RYR1: variants seen among roughly 807,000 people sequenced by gnomAD.
RYR1 encodes ryanodine receptor 1.
A neutral mutation model predicts 583.5 loss-of-function variants in RYR1; 342 were observed. The ratio of observed to expected loss-of-function variants is 0.59; its 90% CI spans 0.54 to 0.64. The LOEUF is 0.64. Among genes scored for constraint, RYR1 ranks in the 30% least tolerant of loss-of-function variants. RYR1 has a pLI of 0.00. For missense variants in RYR1, 6,032 were observed against 6,917.2 expected, an observed-to-expected ratio of 0.87 and a Z score of 4.54; for synonymous variants, 2,791 against 2,822.5, an observed-to-expected ratio of 0.99 and a Z score of 0.35.
chr19:38,501,233 C>T (rs897933142), intron 47 of RYR1, among the ~76,000 whole-genome samples: 4 of 152,232 alleles, frequency 2.6e-5, no homozygotes, highest in Non-Finnish European at 4.4e-5. Context: ...GGCGTGGTGA[C>T]TCGCGCCTGT....
At chr19:38,517,905 C>T (rs1002983497) in intron 66 of RYR1, among the ~76,000 whole-genome samples, 3 of 152,110 alleles carry the variant, frequency 2.0e-5, no homozygotes, top group African/African-American at 4.8e-5. Flanking sequence ...CAGCCATTTG[C>T]GACCAGCCTA....
chr19:38,449,532 TGAGAATAACTTTCAA>T (rs1966971158), intron 11 of RYR1, among the ~76,000 whole-genome samples: 1 of 152,074 alleles, frequency 6.6e-6, no homozygotes, highest in Non-Finnish European at 1.5e-5. Context: ...AATGACCAAC[TGAGAATAACTTTCAA>T]CAAACAATTA....
chr19:38,498,501 ATAGAG>A (rs1969949860), intron 42 of RYR1, among the ~76,000 whole-genome samples: 2 of 152,208 alleles, frequency 1.3e-5, no homozygotes, highest in African/African-American at 4.8e-5. Context: ...GGGCAACTCC[ATAGAG>A]TAAAGTGAAA....
chr19:38,464,624 C>G lies in RYR1; in HGVS notation c.2787-15C>G, dbSNP rs757936454. The stretch of plus-strand genomic sequence containing the variant: ...TGAGGGGCGTGACCTGTCGCCTCCA[C>G]TCCCCCACCCCCAGGACTCTGCTGG... On this transcript the variant is annotated splice_polypyrimidine_tract_variant and intron_variant, in intron 22 of 105. Coordinates refer to ENST00000359596, the MANE Select transcript of RYR1 (RefSeq NM_000540.3). 1 of 1,567,732 alleles carries G rather than the reference C, an allele frequency of 6.4e-7. No homozygotes were observed. Among genetic ancestry groups the G allele is most frequent in the Non-Finnish European group, 8.7e-7 (1 of 1,155,772 alleles).
chr19:38,496,754 G>A lies in RYR1; in HGVS notation c.6797-106G>A, dbSNP rs1167121369. On this transcript the variant is annotated intron_variant, in intron 41 of 105. Transcript: ENST00000359596. This position sits in a 1 kb window ranked among gnomAD's most constrained non-coding sequence, Gnocchi z 4.8. ...GCTTGGATGAGGGAAGTACAGACCA[G>A]AGGAGGCACCTGATCCAGGCTGGAA... 7 of 1,212,612 alleles carry A rather than the reference G, an allele frequency of 5.8e-6. No homozygotes were observed. The South Asian group carries it at 8.6e-5, about 15-fold the overall frequency. 75.1% of individuals were successfully genotyped at this position (1,212,612 alleles called of 1,614,324 possible). A position where few individuals can be genotyped will look rare whatever the true frequency, so the allele number is the denominator to read the frequency against.
At chr19:38,478,317 GT>G (rs1448633707) in intron 30 of RYR1, 117 bp from the exon 31 acceptor site, 1 of 1,115,086 alleles carries the variant, frequency 9.0e-7, no homozygotes, top group African/African-American at 1.5e-5. Flanking sequence ...TCTGCAGGCG[GT>G]GGGTGTTTGG....
chr19:38,561,445 G>T lies in RYR1; in HGVS notation c.12615G>T (p.Glu4205Asp). 6.2e-7 allele frequency: 1 copy of T among 1,608,030 alleles called. No individual in the cohort carries two copies. The change falls in exon 90 of 106, where the codon GAG (glutamate) becomes GAT (aspartate). Residue 4205 changes from glutamate (E) to aspartate (D), a missense_variant. By Grantham distance (45) the Glu-to-Asp change is conservative. Around this residue, in one of 11 missense-constraint regions of RYR1, gnomAD observed 753 missense variants for 759.6 expected, o/e 0.99. Coordinates refer to ENST00000359596, the MANE Select transcript of RYR1 (RefSeq NM_000540.3). The surrounding 1 kb of genome is among the most constrained non-coding windows in gnomAD (Gnocchi z 4.8). ...CAGAGACCAACCGCGCCCAGTGGGA[G>T]ATGCCCCAGGTCAGGGAACCCGCGC... ...EISETNRAQWEMPQVKESKRQ... is the reference protein window; with the variant it reads ...EISETNRAQWDMPQVKESKRQ...
Position 38,543,235 on chromosome 19 carries a change from G to A in RYR1, c.11690-112G>A. On this transcript the variant is annotated intron_variant, in intron 84 of 105. Coordinates refer to ENST00000359596, the MANE Select transcript of RYR1 (RefSeq NM_000540.3). This position sits in a 1 kb window ranked among gnomAD's most constrained non-coding sequence, Gnocchi z 4.4. ...ATAAATTGATGATGATATGCTTTCT[G>A]GCATACAATAGGAACTCAACACATG... The A allele has an allele frequency of 1.1e-6, 1 of 884,180 alleles. No homozygotes were observed. The highest frequency in any genetic ancestry group is 1.7e-5 in the Admixed American group (1 of 57,572). The allele number at this position is 884,180 out of a possible 1,614,324, so 54.8% of individuals were successfully genotyped here. A position where few individuals can be genotyped will look rare whatever the true frequency, so the allele number is the denominator to read the frequency against.
chr19:38,515,130 T>A (rs1351585873), intron 64 of RYR1, 23 bp downstream of exon 64: 1 of 1,189,518 alleles, frequency 8.4e-7, no homozygotes, highest in African/African-American at 1.7e-5. Context: ...AGCCATCGTT[T>A]GGGGCTGGGT....
At position 38,529,090 on chromosome 19, in the gene RYR1, C is replaced by T. The variant is rs1427372982; in HGVS notation, c.11141+33C>T. 2.5e-6 allele frequency: 4 copies of T among 1,609,014 alleles called. No homozygotes were observed. The Middle Eastern group carries it at 5.9e-4, about 237-fold the overall frequency. On this transcript the variant is annotated intron_variant, in intron 76 of 105. Coordinates refer to ENST00000359596, the MANE Select transcript of RYR1 (RefSeq NM_000540.3). ...CTCTTGCCAGGGCCCCAGAAATGCC[C>T]CCAAGGTCCTGGGGCCACCCCCAGC...
chr19:38,512,219 CTGATGTTCCCCCG>C lies in RYR1; in HGVS notation c.9234-25_9234-13del. 1 of 1,614,084 alleles carries C rather than the reference CTGATGTTCCCCCG, an allele frequency of 6.2e-7. No homozygotes were observed. The highest frequency in any genetic ancestry group is 8.5e-7 in the Non-Finnish European group (1 of 1,179,892). ...TCTCCTAGACTCTCCGATTCCAGAG[CTGATGTTCCCCCG>C]CTGCCCTTCTAGGACAGTGATGAAG... On this transcript the variant is annotated splice_polypyrimidine_tract_variant and intron_variant, in intron 62 of 105. Coordinates refer to ENST00000359596, the MANE Select transcript of RYR1 (RefSeq NM_000540.3). The surrounding 1 kb of genome is among the most constrained non-coding windows in gnomAD (Gnocchi z 5.1).
intron 9 of RYR1, among the ~76,000 whole-genome samples, chr19:38,447,459 T>C (rs1159420727): frequency 6.6e-6 from 1 of 152,114 alleles, no homozygotes; most frequent in African/African-American, 2.4e-5. Flanking sequence ...GAGAATCCCT[T>C]GAACCCAGGA....
chr19:38,583,887 C>T (rs1974327399), intron 101 of RYR1, among the ~76,000 whole-genome samples: 1 of 152,098 alleles, frequency 6.6e-6, no homozygotes, highest in Non-Finnish European at 1.5e-5. Context: ...GCCACATGCC[C>T]AGGCCCTGCC....
chr19:38,519,813 G>A (rs1971143408), intron 67 of RYR1, among the ~76,000 whole-genome samples: 1 of 151,986 alleles, frequency 6.6e-6, no homozygotes, highest in Non-Finnish European at 1.5e-5. Context: ...CCAGTAGCTA[G>A]GATTACAGGT....
In RYR1 at chr19:38,573,169, C is replaced by T. The variant is rs1443694718; in HGVS notation, c.13999-8C>T. ...GACGCCCACCTTTGGCCTCCTCCCA[C>T]TATCCAGGTGCCCCTGGTAATCTTT... is the stretch of plus-strand genomic sequence containing the variant. On this transcript the variant is annotated splice_polypyrimidine_tract_variant and splice_region_variant and intron_variant, in intron 95 of 105. Transcript: ENST00000359596. The T allele has an allele frequency of 6.2e-7, 1 of 1,613,794 alleles. No individual in the cohort carries two copies. Among genetic ancestry groups the T allele is most frequent in the Non-Finnish European group, 8.5e-7 (1 of 1,179,782 alleles).
At chr19:38,475,711 C>T (rs1384363652) in intron 29 of RYR1, among the ~76,000 whole-genome samples, 1 of 152,224 alleles carries the variant, frequency 6.6e-6, no homozygotes, top group East Asian at 1.9e-4. Flanking sequence ...ATCCCCAAAG[C>T]CATGATATAA....
At chr19:38,474,123 T>C (rs151030382) in intron 28 of RYR1, among the ~76,000 whole-genome samples, 4 of 152,302 alleles carry the variant, frequency 2.6e-5, no homozygotes, top group Middle Eastern at 3.4e-3. Flanking sequence ...CACAGTAAGG[T>C]ATCCCAGTGA....
chr19:38,460,293 G>A, intron 19 of RYR1, 82 bp from the exon 20 acceptor site: 1 of 1,282,826 alleles, frequency 7.8e-7, no homozygotes, highest in Non-Finnish European at 1.1e-6. Context: ...TTGATCCCAG[G>A]ACTGCTTCCA....
intron 11 of RYR1, 60 bp from the exon 12 acceptor site, chr19:38,451,704 C>T (rs1322597316): frequency 4.3e-6 from 7 of 1,609,490 alleles, no homozygotes; most frequent in Non-Finnish European, 5.9e-6. Flanking sequence ...AGACAGACGT[C>T]TTGGGGGCAT....
Sources: gnomAD v4.1 joint callset for allele counts (sites outside exome capture counted in the v4.1 genomes callset) on GRCh38, gnomAD v4.1.1 for gene constraint, gnomAD v4.1.1 regional missense constraint, Gnocchi (gnomAD v3.1) non-coding constraint, MANE v1.5 for transcripts, NCBI Gene and HGNC (gene_info 2026-07-23, HGNC 2026-07-21) for gene names.